LIMD1: variants seen among roughly 807,000 people sequenced by gnomAD.
The protein encoded by LIMD1 is LIM domain containing 1.
In LIMD1, 23 loss-of-function variants were observed where a neutral mutation model predicts 58.4. That is an observed-to-expected ratio of 0.39 (90% CI 0.28 to 0.56). The LOEUF (loss-of-function observed/expected upper bound fraction) is 0.56, where lower values mean the gene tolerates loss of function less well. Among genes scored for constraint, LIMD1 ranks in the 20% least tolerant of loss-of-function variants. The pLI is 0.57. For missense variants in LIMD1, 838 were observed against 855.5 expected, an observed-to-expected ratio of 0.98 and a Z score of 0.25; for synonymous variants, 334 against 345.5, an observed-to-expected ratio of 0.97 and a Z score of 0.37.
chr3:45,595,911 C>A lies in LIMD1; in HGVS notation c.1032C>A (p.Tyr344Ter). 1 of 1,614,220 alleles carries A rather than the reference C, an allele frequency of 6.2e-7. No individual in the cohort carries two copies. The highest frequency in any genetic ancestry group is 8.5e-7 in the Non-Finnish European group (1 of 1,180,038). ...QPWFQDGPKS[Y>*]LSSSAPSSSP... Reference sequence around the variant, plus strand: ...GGTTCCAGGATGGGCCCAAATCTTACCTTTCCAGTTCTGCCCCGTCATCCT... The same window carrying A: ...GGTTCCAGGATGGGCCCAAATCTTAACTTTCCAGTTCTGCCCCGTCATCCT... Residue 344 changes from tyrosine (Y) to a stop codon, truncating the protein, a stop_gained, in exon 1 of 8, where the codon TAC (tyrosine) becomes TAA (stop). Coordinates refer to ENST00000273317, the MANE Select transcript of LIMD1 (RefSeq NM_014240.3). LOFTEE classifies it high-confidence loss of function.
chr3:45,640,761 T>G (rs115680924), intron 2 of LIMD1, among the ~76,000 whole-genome samples: 4,604 of 152,318 alleles, frequency 0.03, 73 homozygotes, highest in Non-Finnish European at 0.041. Flanking sequence ...ATGGTGAACC[T>G]CATTCTCTGT....
intron 1 of LIMD1, among the ~76,000 whole-genome samples, chr3:45,633,835 T>C (rs971354899): frequency 6.6e-6 from 1 of 152,210 alleles, no homozygotes; most frequent in African/African-American, 2.4e-5. Context: ...TTGGACTTCC[T>C]TTGATGGTGA....
In LIMD1 at chr3:45,649,917, A is replaced by G. The variant is rs552179792; in HGVS notation, c.1510+13666A>G. On this transcript the variant is annotated intron_variant, in intron 2 of 7. Transcript: ENST00000273317. The stretch of plus-strand genomic sequence containing the variant: ...GAAATCTGATATCTCTATTCTCTGT[A>G]TGTGACATGTTTTTCCCCCATTCTG... Among the ~76,000 whole-genome samples the G allele has an allele frequency of 1.1e-4, 12 of 108,192 alleles. No individual in the cohort carries two copies. In the East Asian group the frequency reaches 2.6e-3, roughly 24 times the overall value. The allele number at this position is 108,192 out of a possible 152,430, so 71.0% of individuals were successfully genotyped here.
Position 45,595,381 on chromosome 3 carries a change from T to C in LIMD1, c.502T>C (p.Cys168Arg). ...EMSAFHQPGP[C>R]EDPSCLTHGD... ...GTCTGCTTTCCACCAGCCAGGCCCCTGTGAGGATCCTTCCTGCCTCACTCA... is the reference window on the plus strand; with the variant it reads ...GTCTGCTTTCCACCAGCCAGGCCCCCGTGAGGATCCTTCCTGCCTCACTCA... Residue 168 changes from cysteine to arginine, a missense_variant, in exon 1 of 8, where the codon TGT becomes CGT. Cys to Arg is a radical substitution (Grantham distance 180). Transcript: ENST00000273317. 1 of 1,613,874 alleles carries C rather than the reference T, an allele frequency of 6.2e-7. No homozygotes were observed. Among genetic ancestry groups the C allele is most frequent in the Non-Finnish European group, 8.5e-7 (1 of 1,180,026 alleles).
In LIMD1 at chr3:45,681,383, G is replaced by C. The variant is rs1697740251; in HGVS notation, c.*4324G>C. 6.6e-6 allele frequency: 1 copy of C among 152,204 alleles called. No homozygotes were observed. Among genetic ancestry groups the C allele is most frequent in the Admixed American group, 6.5e-5 (1 of 15,280 alleles). The allele number at this position is 152,204 out of a possible 1,614,324, so 9.4% of individuals were successfully genotyped here. On this transcript the variant is annotated 3_prime_UTR_variant, in exon 8 of 8. Coordinates refer to ENST00000273317, the MANE Select transcript of LIMD1 (RefSeq NM_014240.3). ...CACATAGGTAGCAAACCTGTGAAGG[G>C]TATGAGATTTTACCCTACTTGCAGG...
Position 45,596,195 on chromosome 3 carries a change from A to T in LIMD1, c.1316A>T (p.Glu439Val). Residue 439 changes from glutamate (E) to valine (V), a missense_variant, in exon 1 of 8, where the codon GAG becomes GTG. Around this residue, in one of 3 missense-constraint regions of LIMD1, gnomAD observed 659 missense variants for 639.8 expected, o/e 1.03. Coordinates refer to ENST00000273317, the MANE Select transcript of LIMD1 (RefSeq NM_014240.3). ...TGCCAGCCCCTCGTCCCAGGTCCTG[A>T]GCTGAGACCCTCTGCTGCTGAGTTG... Reference protein sequence around the residue: ...LPCQPLVPGPELRPSAAELKL... With the variant: ...LPCQPLVPGPVLRPSAAELKL... 2.5e-6 allele frequency: 4 copies of T among 1,613,832 alleles called. No individual in the cohort carries two copies. In the South Asian group the frequency reaches 4.4e-5, roughly 18 times the overall value.
intron 1 of LIMD1, among the ~76,000 whole-genome samples, chr3:45,601,171 G>A (rs951770988): frequency 6.6e-6 from 1 of 152,236 alleles, no homozygotes; most frequent in Non-Finnish European, 1.5e-5. Flanking sequence ...CTTATTAAAA[G>A]GTGCTTTTGG....
chr3:45,656,633 T>C (rs768966123), intron 2 of LIMD1, among the ~76,000 whole-genome samples: 1 of 152,024 alleles, frequency 6.6e-6, no homozygotes, highest in South Asian at 2.1e-4. Context: ...TTCTCCTGCC[T>C]CAGCTTCCTG....
rs10572210 is a variant in LIMD1 at position 45,658,535 on chromosome 3, C to CTTTTTT, written c.1511-7088_1511-7083dup. 3.2e-3 allele frequency among the ~76,000 whole-genome samples: 142 copies of CTTTTTT among 44,766 alleles called. 16 individuals carry two copies. Among genetic ancestry groups the CTTTTTT allele is most frequent in the Non-Finnish European group, 4.6e-3 (102 of 22,172 alleles). 29.4% of individuals were successfully genotyped at this position (44,766 alleles called of 152,430 possible). Reference sequence around the variant, plus strand: ...AACCATCCCCTCCACCATGCAGATTCTTTTTTTTTTTTTTTTTTTTTTTTT... The same window carrying CTTTTTT: ...AACCATCCCCTCCACCATGCAGATTCTTTTTTTTTTTTTTTTTTTTTTTTTTTTTTT... On this transcript the variant is annotated intron_variant, in intron 2 of 7. Coordinates refer to ENST00000273317, the MANE Select transcript of LIMD1 (RefSeq NM_014240.3).
At chr3:45,635,732 C>CAAAAAAAA (rs71095045) in intron 1 of LIMD1, among the ~76,000 whole-genome samples, 4 of 73,796 alleles carry the variant, frequency 5.4e-5, no homozygotes, top group Non-Finnish European at 7.0e-5. Context: ...ATCCCCGTCT[C>CAAAAAAAA]AAAAAAAAAA....
At chr3:45,658,830 C>T (rs894714313) in intron 2 of LIMD1, among the ~76,000 whole-genome samples, 1 of 152,062 alleles carries the variant, frequency 6.6e-6, no homozygotes, top group African/African-American at 2.4e-5. Flanking sequence ...GCTAGGATTA[C>T]AGGCATGAGC....
intron 1 of LIMD1, among the ~76,000 whole-genome samples, chr3:45,628,019 AG>A (rs1465385826): frequency 1.2e-4 from 15 of 120,394 alleles, no homozygotes; most frequent in Admixed American, 9.8e-4. Flanking sequence ...AAAAAAAAAA[AG>A]AAAAAAGAAT....
intron 2 of LIMD1, among the ~76,000 whole-genome samples, chr3:45,636,496 A>G (rs1391336605): frequency 6.6e-6 from 1 of 152,202 alleles, no homozygotes; most frequent in Non-Finnish European, 1.5e-5. Context: ...GAATGAGTTC[A>G]GAGTGATCCC....
At chr3:45,667,754 G>A (rs1427307077) in intron 3 of LIMD1, among the ~76,000 whole-genome samples, 2 of 152,002 alleles carry the variant, frequency 1.3e-5, no homozygotes, top group Non-Finnish European at 2.9e-5. Context: ...ACCTTGAAAA[G>A]TTCACTTAAC....
chr3:45,606,236 A>G (rs560506709), intron 1 of LIMD1, among the ~76,000 whole-genome samples: 1 of 152,332 alleles, frequency 6.6e-6, no homozygotes, highest in Admixed American at 6.5e-5. Flanking sequence ...TAGTACTTTT[A>G]TGAAGTATCT....
At chr3:45,671,533 T>G (rs998523245) in intron 4 of LIMD1, among the ~76,000 whole-genome samples, 2 of 152,224 alleles carry the variant, frequency 1.3e-5, no homozygotes, top group African/African-American at 4.8e-5. Flanking sequence ...TTTTGCTAAG[T>G]TTCATGATGC....
chr3:45,610,466 T>C (rs1701512646), intron 1 of LIMD1, among the ~76,000 whole-genome samples: 1 of 152,216 alleles, frequency 6.6e-6, no homozygotes, highest in African/African-American at 2.4e-5. Context: ...ATACATGCTT[T>C]ATCTGGATAG....
At chr3:45,662,288 T>G (rs1003942394) in intron 2 of LIMD1, among the ~76,000 whole-genome samples, 36 of 152,022 alleles carry the variant, frequency 2.4e-4, no homozygotes, top group Admixed American at 2.0e-3. Context: ...TGTGTGTGTG[T>G]GTGTGTGTGT....
chr3:45,647,845 C>T (rs1378676866), intron 2 of LIMD1, among the ~76,000 whole-genome samples: 4 of 152,170 alleles, frequency 2.6e-5, no homozygotes, highest in East Asian at 1.9e-4. Flanking sequence ...CACAGCCTCC[C>T]GAAGTGCTGA....
Sources: gnomAD v4.1 joint callset for allele counts (sites outside exome capture counted in the v4.1 genomes callset) on GRCh38, gnomAD v4.1.1 for gene constraint, gnomAD v4.1.1 regional missense constraint, MANE v1.5 for transcripts, NCBI Gene and HGNC (gene_info 2026-07-23, HGNC 2026-07-21) for gene names.